NELL1: variants seen among roughly 807,000 people sequenced by gnomAD.
NELL1 encodes protein kinase C-binding protein NELL1.
NELL1 carries 76 observed loss-of-function variants against 107.4 expected under a neutral mutation model. The observed-to-expected ratio is 0.71, with a 90% CI of 0.59 to 0.86. The LOEUF (loss-of-function observed/expected upper bound fraction) is 0.86. Ranked by LOEUF, NELL1 falls within the 40% of genes least tolerant of loss-of-function variation. The probability of loss-of-function intolerance (pLI) is 0.00; values close to 1 mark genes in which losing one functional copy is unlikely to be tolerated. For missense variants in NELL1, 1,024 were observed against 1,005.5 expected (o/e 1.02, Z -0.25); for synonymous variants, 353 against 341.2 (o/e 1.03, Z -0.38).
At chr11:20,938,148 C>T (rs956023144) in intron 10 of NELL1, among the ~76,000 whole-genome samples, 1 of 151,960 alleles carries the variant, frequency 6.6e-6, no homozygotes, top group Non-Finnish European at 1.5e-5. Context: ...GGTGGGTGGC[C>T]CTGCGAAAGG....
intron 14 of NELL1, among the ~76,000 whole-genome samples, chr11:21,329,080 T>A (rs1850213241): frequency 1.3e-5 from 2 of 152,128 alleles, no homozygotes; most frequent in Middle Eastern, 3.2e-3. Context: ...TTACAAAACA[T>A]GAGAACTTGA....
intron 15 of NELL1, among the ~76,000 whole-genome samples, chr11:21,520,724 A>G (rs749869494): frequency 2.6e-5 from 4 of 152,148 alleles, no homozygotes; most frequent in Non-Finnish European, 5.9e-5. Flanking sequence ...GCACCCGCTT[A>G]AGATTCAAGT....
At chr11:20,993,815 C>A (rs1485447835) in intron 12 of NELL1, among the ~76,000 whole-genome samples, 1 of 150,744 alleles carries the variant, frequency 6.6e-6, no homozygotes, top group Non-Finnish European at 1.5e-5. Flanking sequence ...TATTTTTGAC[C>A]TGCAGTTGGT....
intron 15 of NELL1, among the ~76,000 whole-genome samples, chr11:21,376,070 T>C (rs944385071): frequency 5.9e-5 from 9 of 152,240 alleles, no homozygotes; most frequent in African/African-American, 2.2e-4. Flanking sequence ...TACTTGTCAA[T>C]TTTTGTTTTT....
intron 13 of NELL1, among the ~76,000 whole-genome samples, chr11:21,181,806 C>A (rs67939630): frequency 0.093 from 14,152 of 151,742 alleles, 794 homozygotes; most frequent in Non-Finnish European, 0.11. Context: ...AAATACAACA[C>A]CTTAATTGTC....
chr11:21,497,985 G>T (rs1278331463), intron 15 of NELL1, among the ~76,000 whole-genome samples: 1 of 151,618 alleles, frequency 6.6e-6, no homozygotes, highest in Non-Finnish European at 1.5e-5. Flanking sequence ...CTGTTACTTT[G>T]CATTCCCTGA....
chr11:21,319,916 G>C (rs1272035749), intron 14 of NELL1, among the ~76,000 whole-genome samples: 1 of 152,032 alleles, frequency 6.6e-6, no homozygotes, highest in Non-Finnish European at 1.5e-5. Flanking sequence ...AGCTAGGACT[G>C]TACCTTTTTA....
rs551206643 is a variant in NELL1, at chr11:21,068,855, G to A, written c.1301-44734G>A. Among the ~76,000 whole-genome samples the A allele has an allele frequency of 5.3e-5, 8 of 152,308 alleles. No individual in the cohort carries two copies. The East Asian group carries it at 1.4e-3, about 26-fold the overall frequency. On this transcript the variant is annotated intron_variant, in intron 12 of 19. Transcript: ENST00000357134. ...TGAAGGAAATCTTCAGGGCCTTGGA[G>A]AGTGCTTAATATGTATTAAATAAAT...
chr11:21,433,966 C>A (rs576190131), intron 15 of NELL1, among the ~76,000 whole-genome samples: 2 of 152,108 alleles, frequency 1.3e-5, no homozygotes, highest in Non-Finnish European at 2.9e-5. Context: ...TGAGCCACCA[C>A]GCCCAGCAGG....
intron 13 of NELL1, among the ~76,000 whole-genome samples, chr11:21,211,636 G>A (rs962935656): frequency 2.0e-5 from 3 of 152,164 alleles, no homozygotes; most frequent in African/African-American, 7.2e-5. Context: ...TAGCCCAAGT[G>A]AGAGATGTTG....
At chr11:21,095,226 A>G (rs1854613008) in intron 12 of NELL1, among the ~76,000 whole-genome samples, 1 of 152,146 alleles carries the variant, frequency 6.6e-6, no homozygotes, top group African/African-American at 2.4e-5. Flanking sequence ...GTTCCCAACA[A>G]GTTCCTCATC....
chr11:20,736,162 G>C (rs1855756181), intron 2 of NELL1, among the ~76,000 whole-genome samples: 1 of 152,132 alleles, frequency 6.6e-6, no homozygotes, highest in Non-Finnish European at 1.5e-5. Flanking sequence ...GGCAAGTGGG[G>C]GGTGAAGGTT....
At chr11:21,228,690 TCCCCTCTCCTTCCCTCCCCTCCCACCC>T (rs1857957553) in intron 13 of NELL1, among the ~76,000 whole-genome samples, 4 of 13,910 alleles carry the variant, frequency 2.9e-4, no homozygotes, top group East Asian at 3.3e-3. Context: ...TCCCCTCCCC[TCCCCTCTCCTTCCCTCCCCTCCCACCC>T]CTCCTTCCCT....
chr11:20,751,086 C>G (rs1470838112), intron 2 of NELL1, among the ~76,000 whole-genome samples: 1 of 151,824 alleles, frequency 6.6e-6, no homozygotes, highest in African/African-American at 2.4e-5. Context: ...TTCCGCTGAT[C>G]TATAGCTTAT....
chr11:20,859,679 G>A (rs1171710585), intron 4 of NELL1, among the ~76,000 whole-genome samples: 2 of 152,138 alleles, frequency 1.3e-5, no homozygotes, highest in Admixed American at 1.3e-4. Context: ...ATAAACTACT[G>A]GTGGTGAAAT....
At chr11:20,894,224 T>C (rs1039934223) in intron 5 of NELL1, among the ~76,000 whole-genome samples, 3 of 152,160 alleles carry the variant, frequency 2.0e-5, no homozygotes, top group Non-Finnish European at 4.4e-5. Context: ...GTAGGAAAAA[T>C]ACTTTTTAAA....
At chr11:20,806,422 A>G (rs1015895566) in intron 3 of NELL1, among the ~76,000 whole-genome samples, 5 of 151,864 alleles carry the variant, frequency 3.3e-5, no homozygotes, top group African/African-American at 1.2e-4. Context: ...TTGGAGCTCC[A>G]TTGTATGTTT....
chr11:20,725,780 G>A (rs956704018), intron 2 of NELL1, among the ~76,000 whole-genome samples: 1 of 152,086 alleles, frequency 6.6e-6, no homozygotes, highest in African/African-American at 2.4e-5. Flanking sequence ...AGATTCAGGG[G>A]GTCCATGTGC....
intron 2 of NELL1, among the ~76,000 whole-genome samples, chr11:20,739,193 G>A (rs966046451): frequency 6.6e-6 from 1 of 152,180 alleles, no homozygotes; most frequent in Admixed American, 6.5e-5. Flanking sequence ...CAGGGAACAC[G>A]GCAACGTTGA....
Sources: allele counts gnomAD v4.1 joint callset (sites outside exome capture counted in the v4.1 genomes callset), GRCh38; gene constraint gnomAD v4.1.1; transcripts MANE v1.5; gene names NCBI Gene and HGNC (gene_info 2026-07-23, HGNC 2026-07-21).